COBL: variants seen among roughly 807,000 people sequenced by gnomAD.
The protein encoded by COBL is cordon-bleu WH2 repeat protein.
COBL carries 51 observed loss-of-function variants against 98.8 expected under a neutral mutation model. The observed-to-expected ratio is 0.52, with a 90% CI of 0.41 to 0.65. The LOEUF (loss-of-function observed/expected upper bound fraction) is 0.65, where lower values mean the gene tolerates loss of function less well. Among genes scored for constraint, COBL ranks in the 30% least tolerant of loss-of-function variants. The probability of loss-of-function intolerance (pLI) is 0.00; values close to 1 mark genes in which losing one functional copy is unlikely to be tolerated. For synonymous variants in COBL, 634 were observed against 651.7 expected (o/e 0.97, Z 0.41); for missense variants, 1,617 against 1,617.5 (o/e 1.00, Z 0.01).
intron 6 of COBL, among the ~76,000 whole-genome samples, chr7:51,101,369 T>C (rs570609356): frequency 3.5e-4 from 54 of 152,340 alleles, no homozygotes; most frequent in Admixed American, 7.2e-4. Flanking sequence ...AGGGTGTTAA[T>C]TGTATCTCAT....
At chr7:51,202,373 T>A (rs1263652722) in intron 2 of COBL, among the ~76,000 whole-genome samples, 1 of 152,214 alleles carries the variant, frequency 6.6e-6, no homozygotes, top group Admixed American at 6.5e-5. Context: ...TATAACAATA[T>A]GGTTACAATT....
At chr7:51,222,145 C>A (rs1793711961) in intron 1 of COBL, among the ~76,000 whole-genome samples, 1 of 152,118 alleles carries the variant, frequency 6.6e-6, no homozygotes, top group Admixed American at 6.5e-5. Flanking sequence ...GCCGAGATCG[C>A]ACCACTGCAC....
chr7:51,254,286 G>C (rs1430474524), intron 1 of COBL, among the ~76,000 whole-genome samples: 1 of 152,080 alleles, frequency 6.6e-6, no homozygotes, highest in East Asian at 1.9e-4. Context: ...GTGACCAACT[G>C]TTTTAGAAGA....
intron 2 of COBL, among the ~76,000 whole-genome samples, chr7:51,211,932 G>C (rs572352954): frequency 6.6e-6 from 1 of 151,974 alleles, no homozygotes; most frequent in South Asian, 2.1e-4. Flanking sequence ...TTAAATCTCA[G>C]GTTCAATGGA....
chr7:51,196,378 T>C (rs1425377836), intron 2 of COBL, among the ~76,000 whole-genome samples: 4 of 152,218 alleles, frequency 2.6e-5, no homozygotes, highest in Non-Finnish European at 4.4e-5. Flanking sequence ...AGATTTTTGA[T>C]GTGCTGCTGG....
chr7:51,195,577 T>A (rs1433969887), intron 2 of COBL, among the ~76,000 whole-genome samples: 3 of 152,254 alleles, frequency 2.0e-5, no homozygotes, highest in Non-Finnish European at 4.4e-5. Flanking sequence ...TTAATAGGCA[T>A]AGCATTAAAT....
chr7:51,121,948 A>G (rs1797772896), intron 6 of COBL, among the ~76,000 whole-genome samples: 1 of 152,222 alleles, frequency 6.6e-6, no homozygotes, highest in Non-Finnish European at 1.5e-5. Flanking sequence ...GACGAAGTAC[A>G]AGGATAAGAA....
rs577096857 is a variant in COBL at position 51,316,390 on chromosome 7, C to G, written c.41+203G>C. 2.3e-4 allele frequency: 82 copies of G among 350,710 alleles called. No homozygotes were observed. In the Middle Eastern group the frequency reaches 0.011, roughly 47 times the overall value. The allele number at this position is 350,710 out of a possible 1,614,324, so 21.7% of individuals were successfully genotyped here. A position where few individuals can be genotyped will look rare whatever the true frequency, so the allele number is the denominator to read the frequency against. ...CCCGACACGGTTACCTGGGCAACGA[C>G]CCGGGTGCCCAAAGTACACAGCACG... On this transcript the variant is annotated intron_variant, in intron 1 of 12. Coordinates refer to ENST00000265136, the MANE Select transcript of COBL (RefSeq NM_015198.5).
At position 51,226,522 on chromosome 7, in the gene COBL, T is replaced by TTGAGTGAG. The variant is rs3081930; in HGVS notation, c.42-6586_42-6579dup. 1.1e-3 allele frequency among the ~76,000 whole-genome samples: 162 copies of TTGAGTGAG among 150,516 alleles called. 1 individual carries two copies. The highest frequency in any genetic ancestry group is 1.9e-3 in the Admixed American group (28 of 15,074). On this transcript the variant is annotated intron_variant, in intron 1 of 12. Transcript: ENST00000265136. ...GGGAAGGAATTCGGTCACCACTGCG[T>TTGAGTGAG]TGAGTGAGTGAGTGAGTGAGTGAGT...
At position 51,028,004 on chromosome 7, in the gene COBL, G is replaced by C; in HGVS notation, c.3092C>G (p.Ala1031Gly). 6.2e-7 allele frequency: 1 copy of C among 1,603,158 alleles called. No individual in the cohort carries two copies. Among genetic ancestry groups the C allele is most frequent in the Non-Finnish European group, 8.5e-7 (1 of 1,174,190 alleles). Residue 1031 changes from alanine (A) to glycine (G), a missense_variant, in exon 10 of 13, where the codon GCC (alanine) becomes GGC (glycine). By Grantham distance (60) the Ala-to-Gly change is moderately conservative. Coordinates refer to ENST00000265136, the MANE Select transcript of COBL (RefSeq NM_015198.5). ...GCCATTGACCAGCTCCCTGCTGCAG[G>C]CCTGAGTGTCAGATGTGTGTGGAGG... is the stretch of plus-strand genomic sequence containing the variant. The part of the protein sequence containing the change: ...PPPPHTSDTQ[A>G]CSRELVNGSV...
At chr7:51,302,909 C>A (rs922089194) in intron 1 of COBL, among the ~76,000 whole-genome samples, 1 of 152,154 alleles carries the variant, frequency 6.6e-6, no homozygotes, top group Non-Finnish European at 1.5e-5. Flanking sequence ...CCCTCACCCC[C>A]AACCAAACGG....
chr7:51,046,090 T>A (rs1789661530), intron 7 of COBL, among the ~76,000 whole-genome samples: 1 of 152,088 alleles, frequency 6.6e-6, no homozygotes, highest in Admixed American at 6.5e-5. Context: ...TCAGGAGGTT[T>A]ATCTGCGTCT....
intron 8 of COBL, among the ~76,000 whole-genome samples, chr7:51,040,365 G>A (rs891830769): frequency 1.3e-5 from 2 of 152,110 alleles, no homozygotes; most frequent in African/African-American, 4.8e-5. Context: ...ACAGGGCTGA[G>A]GGACTCAAAG....
intron 7 of COBL, among the ~76,000 whole-genome samples, chr7:51,048,185 A>T (rs1789902964): frequency 6.6e-6 from 1 of 152,114 alleles, no homozygotes; most frequent in South Asian, 2.1e-4. Flanking sequence ...TAAATAAATA[A>T]ATAGAAATAA....
At chr7:51,140,387 G>A (rs1433443919) in intron 5 of COBL, among the ~76,000 whole-genome samples, 3 of 152,064 alleles carry the variant, frequency 2.0e-5, no homozygotes, top group East Asian at 1.9e-4. Flanking sequence ...TCTCATACGC[G>A]CATCTGGGGA....
At chr7:51,059,669 G>C (rs1055740310) in intron 7 of COBL, among the ~76,000 whole-genome samples, 5 of 151,948 alleles carry the variant, frequency 3.3e-5, no homozygotes, top group African/African-American at 1.2e-4. Context: ...GGTGAGGGCT[G>C]GCCCTGTTCG....
chr7:51,205,463 T>C (rs373252470), intron 2 of COBL, among the ~76,000 whole-genome samples: 7 of 151,538 alleles, frequency 4.6e-5, no homozygotes, highest in South Asian at 2.1e-4. Context: ...AATATCCATA[T>C]GCAGAAAAAT....
intron 7 of COBL, among the ~76,000 whole-genome samples, chr7:51,044,229 T>A (rs1789477178): frequency 1.3e-5 from 2 of 152,132 alleles, no homozygotes; most frequent in Non-Finnish European, 2.9e-5. Flanking sequence ...GTGAGGCCAG[T>A]TTCTGTGGTT....
chr7:51,300,351 G>C (rs531283425), intron 1 of COBL, among the ~76,000 whole-genome samples: 3 of 152,026 alleles, frequency 2.0e-5, no homozygotes, highest in African/African-American at 7.2e-5. Context: ...AGTAGCGATG[G>C]GGTTTCACCA....
Sources: gnomAD v4.1 joint callset for allele counts (sites outside exome capture counted in the v4.1 genomes callset) on GRCh38, gnomAD v4.1.1 for gene constraint, MANE v1.5 for transcripts, NCBI Gene and HGNC (gene_info 2026-07-23, HGNC 2026-07-21) for gene names.